DIP2C: variants seen among roughly 807,000 people sequenced by gnomAD.
DIP2C encodes disco-interacting protein 2 homolog C.
In DIP2C, 33 loss-of-function variants were observed where a neutral mutation model predicts 192.4. The ratio of observed to expected loss-of-function variants is 0.17; its 90% CI spans 0.13 to 0.23. The LOEUF (loss-of-function observed/expected upper bound fraction) is 0.23, where lower values mean the gene tolerates loss of function less well. DIP2C is among the 10% of genes least tolerant of loss of function. DIP2C has a pLI of 1.00. For missense variants in DIP2C, 1,537 were observed against 2,110.1 expected (o/e 0.73, Z 5.32); for synonymous variants, 979 against 864.1 (o/e 1.13, Z -2.33).
intron 1 of DIP2C, among the ~76,000 whole-genome samples, chr10:550,006 CTTTTT>C (rs11461177): frequency 2.2e-5 from 3 of 134,774 alleles, no homozygotes; most frequent in Non-Finnish European, 3.2e-5. Flanking sequence ...GGACGTGTAG[CTTTTT>C]TTTTTTTTTT....
At chr10:541,537 C>T (rs1406596194) in intron 1 of DIP2C, among the ~76,000 whole-genome samples, 1 of 130,804 alleles carries the variant, frequency 7.6e-6, no homozygotes, top group African/African-American at 2.9e-5. Context: ...CATCTCTCCT[C>T]GACCCCACAG....
intron 1 of DIP2C, among the ~76,000 whole-genome samples, chr10:510,863 G>T (rs1281275453): frequency 1.3e-5 from 2 of 152,232 alleles, no homozygotes; most frequent in Non-Finnish European, 2.9e-5. Flanking sequence ...ATATCTGCAT[G>T]CTGGCTGCTC....
intron 1 of DIP2C, among the ~76,000 whole-genome samples, chr10:521,965 G>T (rs985155182): frequency 1.3e-4 from 19 of 151,516 alleles, no homozygotes; most frequent in Non-Finnish European, 1.5e-5. Flanking sequence ...GCTCACACGA[G>T]GTCTCAGCCT....
At chr10:558,011 G>A (rs981312271) in intron 1 of DIP2C, among the ~76,000 whole-genome samples, 6 of 152,098 alleles carry the variant, frequency 3.9e-5, no homozygotes, top group African/African-American at 1.2e-4. Flanking sequence ...ATGACAGGGC[G>A]GACACATGAC....
chr10:493,752 T>C (rs1323332054), intron 1 of DIP2C, among the ~76,000 whole-genome samples: 2 of 152,168 alleles, frequency 1.3e-5, no homozygotes, highest in Non-Finnish European at 2.9e-5. Flanking sequence ...ACCTACAAAG[T>C]CGGGGTCTTA....
intron 1 of DIP2C, among the ~76,000 whole-genome samples, chr10:649,251 G>A (rs1564303261): frequency 6.7e-6 from 1 of 148,406 alleles, no homozygotes; most frequent in Non-Finnish European, 1.5e-5. Context: ...TGGTGGGCGA[G>A]AACAGAGGAA....
In DIP2C at chr10:532,544, T is replaced by TGAGAGAGAGTATGGGTGA. The variant is rs111941731; in HGVS notation, c.86-46015_86-46014insTCACCCATACTCTCTCTC. Among the ~76,000 whole-genome samples, 8 of 113,402 alleles carry TGAGAGAGAGTATGGGTGA rather than the reference T, an allele frequency of 7.1e-5. No individual in the cohort carries two copies. The East Asian group carries it at 1.2e-3, about 16-fold the overall frequency. 74.4% of individuals were successfully genotyped at this position (113,402 alleles called of 152,430 possible). On this transcript the variant is annotated intron_variant, in intron 1 of 36. Transcript: ENST00000280886. ...GTGGGTGTGTGAGAGAGTATGGGTG[T>TGAGAGAGAGTATGGGTGA]GAGAGAGTATGGGTGAGAGAGAGAG...
intron 1 of DIP2C, among the ~76,000 whole-genome samples, chr10:489,945 G>A (rs1194186412): frequency 8.4e-5 from 2 of 23,714 alleles, no homozygotes; most frequent in African/African-American, 1.3e-4. Context: ...CCAGGGACAC[G>A]GTGGCTCTGA....
chr10:389,584 G>C (rs1176618025), intron 13 of DIP2C, among the ~76,000 whole-genome samples: 7 of 152,218 alleles, frequency 4.6e-5, no homozygotes, highest in Non-Finnish European at 1.0e-4. Context: ...CGTCTCCCCA[G>C]ATCCACATGC....
chr10:318,094 C>G (rs1956853481), intron 31 of DIP2C, among the ~76,000 whole-genome samples: 2 of 152,160 alleles, frequency 1.3e-5, no homozygotes, highest in South Asian at 4.2e-4. Flanking sequence ...CTTCCTGGGG[C>G]TATGGAGATG....
At chr10:417,690 CCGCCTGTGCCTGTCGGCT>C (rs1406911118) in intron 6 of DIP2C, among the ~76,000 whole-genome samples, 57 of 130,100 alleles carry the variant, frequency 4.4e-4, no homozygotes, top group African/African-American at 5.9e-4. Flanking sequence ...GCCTCCCTGT[CCGCCTGTGCCTGTCGGCT>C]CAAATAGGCC....
At chr10:459,780 C>T (rs1969608821) in intron 3 of DIP2C, among the ~76,000 whole-genome samples, 1 of 148,802 alleles carries the variant, frequency 6.7e-6, no homozygotes, top group Admixed American at 6.7e-5. Context: ...CAGGGAACCA[C>T]CTGCTGCACG....
At chr10:291,117 A>G (rs1389816909) in intron 32 of DIP2C, among the ~76,000 whole-genome samples, 2 of 152,198 alleles carry the variant, frequency 1.3e-5, no homozygotes, top group Non-Finnish European at 2.9e-5. Context: ...GGCATGGAGG[A>G]AAACAAGACA....
intron 13 of DIP2C, 117 bp downstream of exon 13, chr10:389,874 G>A (rs575080363): frequency 1.4e-4 from 112 of 791,132 alleles, no homozygotes; most frequent in African/African-American, 1.3e-3. Context: ...TCATGTCAGC[G>A]GAGCTGGGCA....
chr10:482,979 C>G (rs1424532230), intron 2 of DIP2C, among the ~76,000 whole-genome samples: 1 of 152,210 alleles, frequency 6.6e-6, no homozygotes, highest in African/African-American at 2.4e-5. Context: ...GCATGTATAA[C>G]TCACATTTCT....
chr10:362,013 GAAAC>G (rs1342878050), intron 22 of DIP2C, among the ~76,000 whole-genome samples: 1 of 151,728 alleles, frequency 6.6e-6, no homozygotes, highest in African/African-American at 2.4e-5. Flanking sequence ...GGAGGGGGCG[GAAAC>G]AAACTGTGCC....
At chr10:280,971 C>T (rs940776289) in intron 36 of DIP2C, among the ~76,000 whole-genome samples, 2 of 152,126 alleles carry the variant, frequency 1.3e-5, no homozygotes, top group African/African-American at 4.8e-5. Flanking sequence ...GTAGTTTTCA[C>T]GGCAATAGAA....
At chr10:506,953 G>A (rs1054650117) in intron 1 of DIP2C, among the ~76,000 whole-genome samples, 29 of 151,584 alleles carry the variant, frequency 1.9e-4, no homozygotes, top group Admixed American at 2.6e-4. Context: ...GCATGGACCC[G>A]GTCAACCACT....
Position 484,635 on chromosome 10 carries a change from G to A in DIP2C, c.157+1824C>T, listed in dbSNP as rs1413963721. 21 of 1,176,242 alleles carry A rather than the reference G, an allele frequency of 1.8e-5. No individual in the cohort carries two copies. The East Asian group carries it at 5.4e-4, about 30-fold the overall frequency. 72.9% of individuals were successfully genotyped at this position (1,176,242 alleles called of 1,614,324 possible). A position where few individuals can be genotyped will look rare whatever the true frequency, so the allele number is the denominator to read the frequency against. On this transcript the variant is annotated intron_variant, in intron 2 of 36. Transcript: ENST00000280886. ...CTGGTCTCTGGCGAGCTCTGGGCCT[G>A]TGGAGCGACCTGGCTCACTGGAGAA...
Sources: allele counts gnomAD v4.1 joint callset (sites outside exome capture counted in the v4.1 genomes callset), GRCh38; gene constraint gnomAD v4.1.1; transcripts MANE v1.5; gene names NCBI Gene and HGNC (gene_info 2026-07-23, HGNC 2026-07-21).